Variants in TMEM72 observed in about 807,000 individuals in gnomAD.
TMEM72 encodes the protein kidney-specific secretory protein of 37 kDa.
In TMEM72, 9 loss-of-function variants were observed where a neutral mutation model predicts 16.3. The ratio of observed to expected loss-of-function variants is 0.55; its 90% CI spans 0.33 to 0.96. TMEM72 has a LOEUF of 0.96. Ranked by LOEUF, TMEM72 falls within the 40% of genes least tolerant of loss-of-function variation. TMEM72 has a pLI of 0.03. For missense variants in TMEM72, 324 were observed against 337.8 expected (o/e 0.96, Z 0.32); for synonymous variants, 160 against 146.5 (o/e 1.09, Z -0.66).
intron 1 of TMEM72, among the ~76,000 whole-genome samples, chr10:44,916,827 C>T (rs1840019994): frequency 6.6e-6 from 1 of 152,134 alleles, no homozygotes; most frequent in East Asian, 1.9e-4. Context: ...TGTGCCTGTG[C>T]CTTGCTTCTA....
intron 1 of TMEM72, among the ~76,000 whole-genome samples, chr10:44,916,551 A>C (rs938883725): frequency 6.6e-6 from 1 of 152,170 alleles, no homozygotes; most frequent in African/African-American, 2.4e-5. Flanking sequence ...TGGGCCCTCC[A>C]TGCTAATTTT....
intron 2 of TMEM72, chr10:44,931,736 G>T (rs1221118588): frequency 4.0e-6 from 2 of 506,284 alleles, no homozygotes; most frequent in Non-Finnish European, 7.1e-6. Context: ...CACACAGGGT[G>T]CCAGGTGAAG....
intron 2 of TMEM72, 187 bp from the exon 3 acceptor site, chr10:44,931,811 C>A: frequency 1.6e-6 from 1 of 625,340 alleles, no homozygotes; most frequent in Non-Finnish European, 2.8e-6. Flanking sequence ...CCCACCTCTC[C>A]CCAGCATGGC....
In TMEM72 at chr10:44,934,829, C is replaced by A. The variant is rs552499435; in HGVS notation, c.523C>A (p.Leu175Ile). The A allele has an allele frequency of 1.2e-6, 2 of 1,613,606 alleles. No homozygotes were observed. Among genetic ancestry groups the A allele is most frequent in the South Asian group, 2.2e-5 (2 of 91,072 alleles). The change falls in exon 5 of 5, where the codon CTC becomes ATC. Residue 175 changes from leucine to isoleucine, a missense_variant. Transcript: ENST00000389583. ...TEQTYTFHGA[L>I]KEGPSSLFIH... ...GCAAACCTACACTTTCCATGGGGCC[C>A]TCAAGGAGGGGCCCAGCTCCCTTTT...
Position 44,935,243 on chromosome 10 carries a change from A to C in TMEM72, c.*109A>C. On this transcript the variant is annotated 3_prime_UTR_variant, in exon 5 of 5. Coordinates refer to ENST00000389583, the MANE Select transcript of TMEM72 (RefSeq NM_001123376.3). ...TCAGCTTTTCAAGGGGTAACCAGAC[A>C]CCCCCACACTGGCTGGGCCCCTGAG... 1.8e-6 allele frequency: 2 copies of C among 1,114,464 alleles called. No homozygotes were observed. Among genetic ancestry groups the C allele is most frequent in the Non-Finnish European group, 2.5e-6 (2 of 800,892 alleles). The allele number at this position is 1,114,464 out of a possible 1,614,324, so 69.0% of individuals were successfully genotyped here.
At chr10:44,922,166 A>G (rs1174360508) in intron 1 of TMEM72, among the ~76,000 whole-genome samples, 1 of 152,154 alleles carries the variant, frequency 6.6e-6, no homozygotes, top group African/African-American at 2.4e-5. Flanking sequence ...CCTGGCAGAA[A>G]CCTAAGGTCC....
Position 44,934,860 on chromosome 10 carries a change from A to G in TMEM72, c.554A>G (p.His185Arg). 3 of 1,613,412 alleles carry G rather than the reference A, an allele frequency of 1.9e-6. No homozygotes were observed. The highest frequency in any genetic ancestry group is 8.5e-7 in the Non-Finnish European group (1 of 1,179,904). ...LKEGPSSLFI[H>R]MKSILKGTKK... ...GAGGGGCCCAGCTCCCTTTTCATCC[A>G]CATGAAGAGTATCCTGAAGGGGACT... Residue 185 changes from histidine (H) to arginine (R), a missense_variant, in exon 5 of 5, where the codon CAC (histidine) becomes CGC (arginine). Physicochemically the swap from His to Arg is conservative, Grantham distance 29. Coordinates refer to ENST00000389583, the MANE Select transcript of TMEM72 (RefSeq NM_001123376.3).
chr10:44,933,775 A>C lies in TMEM72; in HGVS notation c.348A>C (p.Pro116=). 6.2e-7 allele frequency: 1 copy of C among 1,613,290 alleles called. No homozygotes were observed. Among genetic ancestry groups the C allele is most frequent in the Non-Finnish European group, 8.5e-7 (1 of 1,179,542 alleles). The part of the protein sequence containing the change: ...HPVLVWHVTI[P]GSMLIITGLA... The stretch of plus-strand genomic sequence containing the variant: ...TCCTGGTCTGGCACGTGACCATCCC[A>C]GGTAAGAGCACAGGGGTAGAGATAT... Residue 116 remains proline, a splice_region_variant and synonymous_variant, in exon 4 of 5, where the codon CCA becomes CCC. Coordinates refer to ENST00000389583, the MANE Select transcript of TMEM72 (RefSeq NM_001123376.3).
At position 44,911,574 on chromosome 10, in the gene TMEM72, C is replaced by T; in HGVS notation, c.62C>T (p.Thr21Ile). ...ACCTGCCGGCTCCTGGGCATCACCA[C>T]TGCTGCAGGTAAGACCCTGCCTCCT... ...EYTCRLLGIT[T>I]AAVLIGVGTE... is the part of the protein sequence containing the mutation. Residue 21 changes from threonine to isoleucine, a missense_variant, in exon 1 of 5, where the codon ACT becomes ATT. Thr to Ile is a moderately conservative substitution (Grantham distance 89). Transcript: ENST00000389583. 2.6e-6 allele frequency: 4 copies of T among 1,550,782 alleles called. No homozygotes were observed. The highest frequency in any genetic ancestry group is 3.5e-6 in the Non-Finnish European group (4 of 1,147,236).
intron 1 of TMEM72, among the ~76,000 whole-genome samples, chr10:44,922,029 C>T (rs561534394): frequency 6.6e-6 from 1 of 152,334 alleles, no homozygotes; most frequent in African/African-American, 2.4e-5. Flanking sequence ...ATGAGCACCT[C>T]TGTAATTTTA....
intron 3 of TMEM72, among the ~76,000 whole-genome samples, chr10:44,932,415 A>G (rs1840313942): frequency 6.6e-6 from 1 of 152,186 alleles, no homozygotes; most frequent in Non-Finnish European, 1.5e-5. Flanking sequence ...ACCCTGCAGA[A>G]GGCCCAGCTG....
chr10:44,929,493 C>T (rs767578132), intron 2 of TMEM72, among the ~76,000 whole-genome samples: 3 of 152,256 alleles, frequency 2.0e-5, no homozygotes, highest in Non-Finnish European at 4.4e-5. Context: ...CCTCTACCTT[C>T]AGGTGGCAGC....
intron 4 of TMEM72, 139 bp from the exon 5 acceptor site, chr10:44,934,517 C>T (rs1397295616): frequency 2.5e-6 from 2 of 806,720 alleles, no homozygotes; most frequent in Non-Finnish European, 3.7e-6. Flanking sequence ...ACAAGCCAGG[C>T]AAGAGGGCCA....
At chr10:44,931,936 A>G in intron 2 of TMEM72, 62 bp from the exon 3 acceptor site, 1 of 1,530,460 alleles carries the variant, frequency 6.5e-7, no homozygotes, top group Non-Finnish European at 8.9e-7. Context: ...GTGAGAAGAC[A>G]GCCCTCAGGA....
intron 1 of TMEM72, among the ~76,000 whole-genome samples, chr10:44,916,866 A>G (rs900520509): frequency 6.6e-6 from 1 of 152,160 alleles, no homozygotes; most frequent in Admixed American, 6.5e-5. Flanking sequence ...TGAAACTTCA[A>G]TTAGGTTTCA....
At chr10:44,913,308 CA>C (rs1839963956) in intron 1 of TMEM72, among the ~76,000 whole-genome samples, 1 of 152,172 alleles carries the variant, frequency 6.6e-6, no homozygotes, top group African/African-American at 2.4e-5. Context: ...ACACTCCACC[CA>C]GAGCTGAGGC....
At chr10:44,928,334 C>T (rs1399586489) in intron 2 of TMEM72, among the ~76,000 whole-genome samples, 2 of 151,922 alleles carry the variant, frequency 1.3e-5, no homozygotes, top group African/African-American at 2.4e-5. Flanking sequence ...ATCTATCCAT[C>T]CATCCACACA....
At chr10:44,927,664 C>T (rs929433481) in intron 1 of TMEM72, among the ~76,000 whole-genome samples, 2 of 152,200 alleles carry the variant, frequency 1.3e-5, no homozygotes, top group Non-Finnish European at 2.9e-5. Flanking sequence ...TTGCTGGGGG[C>T]ACTAAGGGTG....
intron 1 of TMEM72, among the ~76,000 whole-genome samples, chr10:44,912,851 G>T (rs1275028834): frequency 6.6e-6 from 1 of 152,164 alleles, no homozygotes. Flanking sequence ...GATCATGAAG[G>T]GCTGCTGGAT....
Sources: gnomAD v4.1 joint callset for allele counts (sites outside exome capture counted in the v4.1 genomes callset) on GRCh38, gnomAD v4.1.1 for gene constraint, MANE v1.5 for transcripts, NCBI Gene and HGNC (gene_info 2026-07-23, HGNC 2026-07-21) for gene names.